MTERF4: variants seen among roughly 807,000 people sequenced by gnomAD.
MTERF4 encodes the protein mitochondrial transcription termination factor 4.
Under a neutral mutation model 22.5 loss-of-function variants are expected in MTERF4, and 17 were observed. The observed-to-expected ratio is 0.75, with a 90% confidence interval of 0.52 to 1.13. MTERF4 has a LOEUF of 1.13. MTERF4 is among the 50% of genes most tolerant of loss of function. MTERF4 has a pLI of 0.00. For synonymous variants in MTERF4, 165 were observed against 175.3 expected (o/e 0.94, Z 0.47); for missense variants, 420 against 466.8 (o/e 0.90, Z 0.92).
chr2:241,074,807 C>T (rs2062943233), exon 5 of MTERF4: 1 of 152,166 alleles, frequency 6.6e-6, no homozygotes, highest in Admixed American at 6.5e-5. Flanking sequence ...AAATCAAGAA[C>T]CCAACCTATA....
At chr2:241,052,687 CGGCGGG>C in the MTERF4 span, among the ~76,000 whole-genome samples, 1 of 1,700 alleles carries the variant, frequency 5.9e-4, no homozygotes, top group African/African-American at 2.0e-3. Flanking sequence ...GTGAGAGGGT[CGGCGGG>C]GGGGGGGGGG....
intron 2 of MTERF4, among the ~76,000 whole-genome samples, chr2:241,098,838 T>A (rs1176298047): frequency 6.6e-6 from 1 of 152,168 alleles, no homozygotes; most frequent in African/African-American, 2.4e-5. Context: ...GTGCTGAAGA[T>A]CCCACGGTGA....
At chr2:241,089,192 A>G (rs2063750014), downstream of MTERF4, 1 of 1,158,744 alleles carries the variant, frequency 8.6e-7, no homozygotes, top group Non-Finnish European at 1.2e-6. Context: ...ACTGACCATC[A>G]TTTTTTATCA....
chr2:241,078,619 G>A (rs76474602), intron 4 of MTERF4, among the ~76,000 whole-genome samples: 6 of 151,636 alleles, frequency 4.0e-5, no homozygotes, highest in Non-Finnish European at 7.4e-5. Flanking sequence ...TACATTAGCG[G>A]TTGCTCAGGA....
At chr2:241,043,644 T>A in the MTERF4 span, among the ~76,000 whole-genome samples, 1 of 152,282 alleles carries the variant, frequency 6.6e-6, no homozygotes, top group African/African-American at 2.4e-5. Flanking sequence ...AGAAAAATTT[T>A]AAAATAATAA....
chr2:241,095,556 T>G (rs2064357525), downstream of MTERF4: 1 of 175,796 alleles, frequency 5.7e-6, no homozygotes, highest in Admixed American at 5.4e-5. Flanking sequence ...TGCTATGATG[T>G]ACTAAAACCT....
the MTERF4 span, chr2:241,063,240 A>G: frequency 2.1e-6 from 1 of 478,852 alleles, no homozygotes; most frequent in Non-Finnish European, 3.8e-6. Flanking sequence ...TGAGCCCTGC[A>G]CACTCTTGTA....
At chr2:241,053,129 G>A in the MTERF4 span, 44 of 1,600,032 alleles carry the variant, frequency 2.7e-5, no homozygotes, top group Admixed American at 1.7e-4. Context: ...AGGACCGTGC[G>A]AGACAGGCTG....
At position 241,099,575 on chromosome 2, in the gene MTERF4, C is replaced by G. The variant is rs760976739; in HGVS notation, c.341G>C (p.Ser114Thr). ...TTGAAGACTGGCACCTCGCCGTACA[C>G]TGAGCAATTCATTAATATGGGCATT... ...FSNAHINELL[S>T]VRRGASLQQL... Residue 114 changes from serine to threonine, a missense_variant, in exon 2 of 4, where the codon AGT (serine) becomes ACT (threonine). Ser to Thr is a moderately conservative substitution (Grantham distance 58, BLOSUM62 1). Coordinates refer to ENST00000391980, the MANE Select transcript of MTERF4 (RefSeq NM_182501.4). 1.1e-5 allele frequency: 17 copies of G among 1,614,114 alleles called. No homozygotes were observed. Among genetic ancestry groups the G allele is most frequent in the Middle Eastern group, 3.3e-4 (2 of 6,084 alleles).
chr2:241,054,713 T>A, the MTERF4 span, among the ~76,000 whole-genome samples: 2 of 152,206 alleles, frequency 1.3e-5, no homozygotes, highest in Non-Finnish European at 2.9e-5. Context: ...ATAGTTGAAA[T>A]AACAGACATA....
the MTERF4 span, chr2:241,048,346 G>A: frequency 2.5e-6 from 4 of 1,610,382 alleles, no homozygotes; most frequent in Non-Finnish European, 3.4e-6. Context: ...CCTGCCTCTC[G>A]GCCCCTTGCC....
chr2:241,064,872 T>C, the MTERF4 span: 2 of 1,590,740 alleles, frequency 1.3e-6, no homozygotes, highest in African/African-American at 2.7e-5. The surrounding 1 kb of genome is among the most constrained non-coding windows in gnomAD (Gnocchi z 7.0). Context: ...CCAGCCCCTG[T>C]GGGGGCCGTG....
the MTERF4 span, among the ~76,000 whole-genome samples, chr2:241,046,364 A>G: frequency 1.3e-5 from 2 of 152,234 alleles, no homozygotes; most frequent in Non-Finnish European, 2.9e-5. Context: ...AGATGTTTAT[A>G]TTATTTCTAT....
At chr2:241,081,674 C>T (rs1291358329) in intron 4 of MTERF4, 7 of 1,592,304 alleles carry the variant, frequency 4.4e-6, no homozygotes, top group Non-Finnish European at 6.0e-6. Context: ...CCTCTGTTTC[C>T]AGACGTCCCT....
At chr2:241,071,616 A>T, downstream of MTERF4, 1 of 1,587,696 alleles carries the variant, frequency 6.3e-7, no homozygotes, top group East Asian at 2.3e-5. Flanking sequence ...ACCAGGGAGG[A>T]CACCACCCTC....
chr2:241,049,851 C>T, the MTERF4 span: 2 of 1,613,752 alleles, frequency 1.2e-6, no homozygotes, highest in African/African-American at 2.7e-5. Context: ...ACCCCTGCTT[C>T]AACGGAGGCT....
chr2:241,045,013 G>A, the MTERF4 span, among the ~76,000 whole-genome samples: 8 of 152,154 alleles, frequency 5.3e-5, no homozygotes, highest in East Asian at 1.9e-4. Context: ...CAAGTTGAAG[G>A]AATCTGTGTA....
At chr2:241,067,941 C>T, downstream of MTERF4, 2 of 1,607,044 alleles carry the variant, frequency 1.2e-6, no homozygotes, top group Non-Finnish European at 1.7e-6. Context: ...GACAGGTTCA[C>T]CTTTAGGTAA....
the MTERF4 span, among the ~76,000 whole-genome samples, chr2:241,057,008 T>C: frequency 2.6e-3 from 394 of 152,180 alleles, 4 homozygotes; most frequent in African/African-American, 9.1e-3. Context: ...GAAGAGATAA[T>C]AATTGGACAT....
Sources: gnomAD v4.1 joint callset for allele counts (sites outside exome capture counted in the v4.1 genomes callset) on GRCh38, gnomAD v4.1.1 for gene constraint, Gnocchi (gnomAD v3.1) non-coding constraint, MANE v1.5 for transcripts, NCBI Gene and HGNC (gene_info 2026-07-23, HGNC 2026-07-21) for gene names.